Variants in BST1 observed in about 807,000 individuals in gnomAD.
BST1 encodes the protein bone marrow stromal cell antigen 1.
Under a neutral mutation model 40.6 loss-of-function variants are expected in BST1, and 49 were observed. The observed-to-expected ratio is 1.21, with a 90% CI of 0.96 to 1.53. The LOEUF (loss-of-function observed/expected upper bound fraction) is 1.53, where lower values mean the gene tolerates loss of function less well. BST1 is among the 40% of genes most tolerant of loss of function. BST1 has a pLI of 0.00. For synonymous variants in BST1, 157 were observed against 159.3 expected (o/e 0.99, Z 0.11); for missense variants, 423 against 395.9 (o/e 1.07, Z -0.58).
intron 6 of BST1, among the ~76,000 whole-genome samples, chr4:15,718,256 T>TGC (rs1720617255): frequency 6.6e-6 from 1 of 151,592 alleles, no homozygotes; most frequent in East Asian, 1.9e-4. Context: ...TGTGTGTGTG[T>TGC]GTGTGTGTGT....
chr4:15,703,631 G>GAT (rs1553862805), intron 1 of BST1, among the ~76,000 whole-genome samples: 1 of 71,000 alleles, frequency 1.4e-5, no homozygotes, highest in Non-Finnish European at 3.3e-5. Flanking sequence ...AGAGGTGAGG[G>GAT]GGGTGTGTGT....
the BST1 span, among the ~76,000 whole-genome samples, chr4:15,758,479 G>A: frequency 3.9e-5 from 6 of 152,082 alleles, no homozygotes; most frequent in South Asian, 1.0e-3. Context: ...CTGTATCCAT[G>A]TTGCTGCTAA....
Position 15,715,715 on chromosome 4 carries a change from C to T in BST1, c.620C>T (p.Ala207Val). Residue 207 changes from alanine (A) to valine (V), a missense_variant, in exon 6 of 9, where the codon GCA becomes GTA. By Grantham distance (64) the Ala-to-Val change is moderately conservative (BLOSUM62 0). Coordinates refer to ENST00000265016, the MANE Select transcript of BST1 (RefSeq NM_004334.3). ...TGAYPIKGFF[A>V]DYEIPNLQKE... ...CAAGAAATGTTTCTCAGTTTTTTTGCAGATTATGAAATTCCAAACCTCCAG... is the reference window on the plus strand; with the variant it reads ...CAAGAAATGTTTCTCAGTTTTTTTGTAGATTATGAAATTCCAAACCTCCAG... 1.3e-6 allele frequency: 2 copies of T among 1,587,644 alleles called. No homozygotes were observed. Among genetic ancestry groups the T allele is most frequent in the South Asian group, 1.2e-5 (1 of 85,720 alleles).
the BST1 span, among the ~76,000 whole-genome samples, chr4:15,767,444 C>T: frequency 6.6e-6 from 1 of 152,040 alleles, no homozygotes; most frequent in Non-Finnish European, 1.5e-5. Flanking sequence ...GCTGGGACTA[C>T]AGGCACGTGC....
downstream of BST1, among the ~76,000 whole-genome samples, chr4:15,739,751 C>A (rs1247659836): frequency 6.6e-6 from 1 of 152,008 alleles, no homozygotes; most frequent in Non-Finnish European, 1.5e-5. Context: ...CAGGGGAACA[C>A]ATTAAACTCG....
the BST1 span, among the ~76,000 whole-genome samples, chr4:15,753,201 C>T: frequency 3.9e-5 from 6 of 152,276 alleles, no homozygotes; most frequent in Non-Finnish European, 7.3e-5. Flanking sequence ...AAATACAGCA[C>T]GCTGCATTCT....
At chr4:15,729,323 G>C (rs1453658292) in intron 8 of BST1, among the ~76,000 whole-genome samples, 3 of 152,096 alleles carry the variant, frequency 2.0e-5, no homozygotes, top group Non-Finnish European at 4.4e-5. Flanking sequence ...GGGTATGTTG[G>C]TGTGCACCTA....
In BST1 at chr4:15,707,514, C is replaced by G; in HGVS notation, c.319C>G (p.Leu107Val). 1.2e-6 allele frequency: 2 copies of G among 1,613,886 alleles called. No individual in the cohort carries two copies. Among genetic ancestry groups the G allele is most frequent in the Non-Finnish European group, 1.7e-6 (2 of 1,179,914 alleles). Residue 107 changes from leucine to valine, a missense_variant, in exon 3 of 9, where the codon CTG (leucine) becomes GTG (valine). Leu to Val is a conservative substitution (Grantham distance 32). Coordinates refer to ENST00000265016, the MANE Select transcript of BST1 (RefSeq NM_004334.3). ...TGTTTTGTTTGTCTTTCCTTAGTCCCTGTTCTGGGAAAATAGCCACCTCCT... is the reference window on the plus strand; with the variant it reads ...TGTTTTGTTTGTCTTTCCTTAGTCCGTGTTCTGGGAAAATAGCCACCTCCT... Reference protein sequence around the residue: ...SRHSIPRDKSLFWENSHLLVN... With the variant: ...SRHSIPRDKSVFWENSHLLVN...
At chr4:15,725,913 T>A (rs1246198874) in intron 8 of BST1, among the ~76,000 whole-genome samples, 2 of 151,718 alleles carry the variant, frequency 1.3e-5, no homozygotes, top group Non-Finnish European at 2.9e-5. Flanking sequence ...TTTATAGTGT[T>A]TATCTTCTGA....
chr4:15,713,206 C>CTTTTT (rs34681185), intron 4 of BST1, among the ~76,000 whole-genome samples: 15 of 114,754 alleles, frequency 1.3e-4, no homozygotes, highest in Admixed American at 2.8e-4. Flanking sequence ...ATATTTTCAT[C>CTTTTT]TTTTTTTTTT....
chr4:15,760,262 AT>A, the BST1 span, among the ~76,000 whole-genome samples: 53,616 of 147,792 alleles, frequency 0.36, 9,886 homozygotes, highest in African/African-American at 0.42. Flanking sequence ...TTAGCATTTC[AT>A]TTTTTTTTTT....
chr4:15,753,516 C>T, the BST1 span, among the ~76,000 whole-genome samples: 1 of 152,212 alleles, frequency 6.6e-6, no homozygotes, highest in Non-Finnish European at 1.5e-5. Context: ...TAGCATCCCT[C>T]TCCATTAGGT....
downstream of BST1, chr4:15,736,176 C>T (rs900896345): frequency 1.4e-5 from 18 of 1,247,582 alleles, no homozygotes; most frequent in Non-Finnish European, 1.8e-5. Flanking sequence ...TGACTGATCT[C>T]TCTGCTTCTG....
intron 8 of BST1, among the ~76,000 whole-genome samples, chr4:15,726,805 G>A (rs1005045160): frequency 6.6e-6 from 1 of 151,852 alleles, no homozygotes; most frequent in African/African-American, 2.4e-5. Flanking sequence ...AGTGCCTTGG[G>A]TTAGCTCCCC....
chr4:15,734,232 A>C (rs548066306), downstream of BST1, among the ~76,000 whole-genome samples: 1 of 152,220 alleles, frequency 6.6e-6, no homozygotes, highest in East Asian at 1.9e-4. Flanking sequence ...CACTGAGAAA[A>C]ATTTTGGGAG....
At chr4:15,715,841 G>T in intron 6 of BST1, 42 bp downstream of exon 6, 1 of 1,394,160 alleles carries the variant, frequency 7.2e-7, no homozygotes, top group South Asian at 1.4e-5. Context: ...GCACAAGTTT[G>T]TTTTTCTTGT....
chr4:15,742,832 C>A (rs1330931768), downstream of BST1, among the ~76,000 whole-genome samples: 1 of 152,220 alleles, frequency 6.6e-6, no homozygotes, highest in African/African-American at 2.4e-5. Flanking sequence ...GCACCTCGAA[C>A]TGATTGTATC....
chr4:15,734,699 G>T (rs931836271), downstream of BST1, among the ~76,000 whole-genome samples: 1 of 152,146 alleles, frequency 6.6e-6, no homozygotes, highest in Non-Finnish European at 1.5e-5. Context: ...GATACTAACT[G>T]GTTGCCTAAG....
At chr4:15,772,007 GTCTCTC>G in the BST1 span, among the ~76,000 whole-genome samples, 69 of 148,858 alleles carry the variant, frequency 4.6e-4, no homozygotes, top group African/African-American at 1.6e-3. Flanking sequence ...AACAATGAAG[GTCTCTC>G]TCTCTCTCTC....
Sources: allele counts gnomAD v4.1 joint callset (sites outside exome capture counted in the v4.1 genomes callset), GRCh38; gene constraint gnomAD v4.1.1; transcripts MANE v1.5; gene names NCBI Gene and HGNC (gene_info 2026-07-23, HGNC 2026-07-21).